Variants in ADAMTS20 observed in about 807,000 individuals in gnomAD.
ADAMTS20 encodes ADAM metallopeptidase with thrombospondin type 1 motif 20, also known as A disintegrin and metalloproteinase with thrombospondin motifs 20.
ADAMTS20 carries 225 observed loss-of-function variants against 260.1 expected under a neutral mutation model. That is an observed-to-expected ratio of 0.87 (90% CI 0.78 to 0.97). The LOEUF is 0.97. ADAMTS20 is among the 50% of genes least tolerant of loss of function. ADAMTS20 has a pLI of 0.00. For missense variants in ADAMTS20, 2,400 were observed against 2,337.7 expected (o/e 1.03, Z -0.55); for synonymous variants, 802 against 769.5 (o/e 1.04, Z -0.70).
intron 29 of ADAMTS20, among the ~76,000 whole-genome samples, chr12:43,390,561 A>G (rs1002990403): frequency 3.3e-5 from 5 of 152,172 alleles, no homozygotes; most frequent in African/African-American, 4.8e-5. Flanking sequence ...CTAACAGCCA[A>G]TTTCATCACT....
chr12:43,493,378 A>T, intron 4 of ADAMTS20, 125 bp from the exon 5 acceptor site: 1 of 668,850 alleles, frequency 1.5e-6, no homozygotes, highest in East Asian at 2.8e-5. Flanking sequence ...GGAATCTCTT[A>T]GAGTGCTTTA....
At chr12:43,409,118 G>A (rs192477749) in intron 28 of ADAMTS20, among the ~76,000 whole-genome samples, 17 of 152,114 alleles carry the variant, frequency 1.1e-4, no homozygotes, top group African/African-American at 4.1e-4. Flanking sequence ...GTAGTTATGA[G>A]AGAAATGTAG....
chr12:43,522,254 C>T (rs1265938216), intron 3 of ADAMTS20, among the ~76,000 whole-genome samples: 1 of 152,052 alleles, frequency 6.6e-6, no homozygotes, highest in Non-Finnish European at 1.5e-5. Context: ...CTTAGAAAAC[C>T]ATCAGTTCTC....
chr12:43,538,251 C>G (rs1462267735), intron 2 of ADAMTS20, among the ~76,000 whole-genome samples: 1 of 152,190 alleles, frequency 6.6e-6, no homozygotes, highest in Non-Finnish European at 1.5e-5. Context: ...TTTTGACTTG[C>G]ATTTCTCTGA....
intron 2 of ADAMTS20, among the ~76,000 whole-genome samples, chr12:43,532,786 T>A (rs1423671516): frequency 3.2e-5 from 2 of 61,644 alleles, no homozygotes; most frequent in Non-Finnish European, 6.5e-5. Flanking sequence ...TTCCCACCTA[T>A]GAGTGAGAAT....
intron 29 of ADAMTS20, among the ~76,000 whole-genome samples, chr12:43,392,040 T>A (rs1292222893): frequency 6.6e-6 from 1 of 152,164 alleles, no homozygotes; most frequent in African/African-American, 2.4e-5. Flanking sequence ...CTGACCTTCA[T>A]GTTATGCTTA....
chr12:43,427,396 C>T lies in ADAMTS20; in HGVS notation c.4019G>A (p.Ser1340Asn), dbSNP rs1325604288. ...VCQDENGQSA[S>N]YCDAASKPPE... ...AGGCTTGGAGGCTGCATCGCAGTAA[C>T]TAGCACTTTGTCCATTTTCATCCTG... Residue 1340 changes from serine to asparagine, a missense_variant, in exon 27 of 39, where the codon AGT becomes AAT. Ser to Asn is a conservative substitution (Grantham distance 46). Coordinates refer to ENST00000389420, the MANE Select transcript of ADAMTS20 (RefSeq NM_025003.5). The T allele has an allele frequency of 7.4e-6, 12 of 1,613,822 alleles. No individual in the cohort carries two copies. Among genetic ancestry groups the T allele is most frequent in the Middle Eastern group, 3.3e-4 (2 of 6,082 alleles).
At chr12:43,415,838 G>C (rs1941119739) in intron 28 of ADAMTS20, among the ~76,000 whole-genome samples, 3 of 152,148 alleles carry the variant, frequency 2.0e-5, no homozygotes, top group Admixed American at 6.5e-5. Context: ...TTTTGGTAAA[G>C]TCAAGATTAT....
intron 4 of ADAMTS20, among the ~76,000 whole-genome samples, chr12:43,495,477 G>C (rs911456809): frequency 5.3e-5 from 8 of 152,112 alleles, no homozygotes; most frequent in Non-Finnish European, 1.2e-4. Flanking sequence ...TGTTCTTATT[G>C]CTACTTATAA....
intron 37 of ADAMTS20, among the ~76,000 whole-genome samples, chr12:43,365,188 G>A (rs1265300001): frequency 4.0e-5 from 6 of 151,884 alleles, no homozygotes; most frequent in Admixed American, 1.3e-4. Context: ...GCAAAATAAA[G>A]ACACTCCTAG....
At chr12:43,360,367 T>C (rs1461392791) in intron 37 of ADAMTS20, among the ~76,000 whole-genome samples, 1 of 152,106 alleles carries the variant, frequency 6.6e-6, no homozygotes, top group East Asian at 1.9e-4. Context: ...GAGAATTTCT[T>C]GAACCTGGGA....
intron 29 of ADAMTS20, 74 bp downstream of exon 29, chr12:43,398,992 A>G: frequency 9.6e-7 from 1 of 1,039,582 alleles, no homozygotes; most frequent in Non-Finnish European, 1.3e-6. Flanking sequence ...ATTCAAGGTT[A>G]TGAAAAATAA....
rs1452553381 is a variant in ADAMTS20, at chr12:43,468,644, T to C, written c.1179A>G (p.Lys393=). 6.2e-7 allele frequency: 1 copy of C among 1,610,766 alleles called. No homozygotes were observed. Among genetic ancestry groups the C allele is most frequent in the Non-Finnish European group, 8.5e-7 (1 of 1,178,324 alleles). ...PLQSCFINEE[K]GLISAFTIAH... The stretch of plus-strand genomic sequence containing the variant: ...CTATAGTAAAAGCAGAAATGAGTCC[T>C]TTTTCTTCATTAATAAAGCAGCTTT... The change falls in exon 8 of 39, where the codon AAA becomes AAG. Residue 393 remains lysine (K), a synonymous_variant. Transcript: ENST00000389420.
At chr12:43,398,846 A>T (rs1384936678) in intron 29 of ADAMTS20, among the ~76,000 whole-genome samples, 2 of 152,152 alleles carry the variant, frequency 1.3e-5, no homozygotes, top group African/African-American at 4.8e-5. Context: ...ACTGGTCTTA[A>T]TTTTTTAAAA....
At chr12:43,428,882 T>A (rs1171576850) in intron 24 of ADAMTS20, 83 bp from the exon 25 acceptor site, 1 of 1,264,076 alleles carries the variant, frequency 7.9e-7, no homozygotes, top group African/African-American at 1.5e-5. Context: ...TACTCACATT[T>A]CTAAAACATC....
intron 29 of ADAMTS20, among the ~76,000 whole-genome samples, chr12:43,387,361 A>G (rs551221165): frequency 6.6e-6 from 1 of 152,224 alleles, no homozygotes; most frequent in Admixed American, 6.5e-5. Flanking sequence ...ATCCTCTGGA[A>G]GTTTTGTCCC....
chr12:43,359,183 A>C (rs140263677), intron 37 of ADAMTS20, among the ~76,000 whole-genome samples: 1 of 152,292 alleles, frequency 6.6e-6, no homozygotes, highest in African/African-American at 2.4e-5. Flanking sequence ...AAATTCCAGT[A>C]GCCAAATCAC....
chr12:43,499,422 C>A (rs1000123379), intron 4 of ADAMTS20, among the ~76,000 whole-genome samples: 1 of 152,002 alleles, frequency 6.6e-6, no homozygotes, highest in Non-Finnish European at 1.5e-5. Context: ...GGCTTTAAAC[C>A]TTCCATGGAG....
At chr12:43,548,985 C>A (rs1943476850) in intron 2 of ADAMTS20, among the ~76,000 whole-genome samples, 1 of 151,936 alleles carries the variant, frequency 6.6e-6, no homozygotes, top group Admixed American at 6.6e-5. Flanking sequence ...GATTTTTCCT[C>A]TTCAAAAATT....
Sources: gnomAD v4.1 joint callset for allele counts (sites outside exome capture counted in the v4.1 genomes callset) on GRCh38, gnomAD v4.1.1 for gene constraint, MANE v1.5 for transcripts, NCBI Gene and HGNC (gene_info 2026-07-23, HGNC 2026-07-21) for gene names.